Variants in CDIN1 observed in about 807,000 individuals in gnomAD.
CDIN1 encodes CDAN1-interacting nuclease 1.
In CDIN1, 33 loss-of-function variants were observed where a neutral mutation model predicts 45.3. That is an observed-to-expected ratio of 0.73 (90% CI 0.55 to 0.97). CDIN1 has a LOEUF of 0.97. Among genes scored for constraint, CDIN1 ranks in the 50% least tolerant of loss-of-function variants. CDIN1 has a pLI of 0.00. For synonymous variants in CDIN1, 118 were observed against 124.4 expected, an observed-to-expected ratio of 0.95 and a Z score of 0.34; for missense variants, 303 against 339.4, an observed-to-expected ratio of 0.89 and a Z score of 0.84.
At chr15:36,740,621 G>A (rs1453565282) in intron 10 of CDIN1, among the ~76,000 whole-genome samples, 1 of 152,126 alleles carries the variant, frequency 6.6e-6, no homozygotes, top group African/African-American at 2.4e-5. Flanking sequence ...GGGCGCAGTG[G>A]CTCACGCCTG....
rs149207628 is a variant in CDIN1 at position 36,690,024 on chromosome 15, T to G, written c.347-1661T>G. ...AAGGTTGCAGAGCCAGTTGTAGAGA[T>G]AGGGCTGGATAGGATAGCTGGGTGA... On this transcript the variant is annotated intron_variant, in intron 5 of 10. Coordinates refer to ENST00000566621, the MANE Select transcript of CDIN1 (RefSeq NM_001321759.2). Among the ~76,000 whole-genome samples the G allele has an allele frequency of 7.0e-3, 1,064 of 152,310 alleles. 19 individuals are homozygous for G. The highest frequency in any genetic ancestry group is 0.024 in the African/African-American group (1,001 of 41,576).
At chr15:36,726,859 A>C (rs1330025260) in intron 10 of CDIN1, among the ~76,000 whole-genome samples, 1 of 152,154 alleles carries the variant, frequency 6.6e-6, no homozygotes, top group Non-Finnish European at 1.5e-5. Context: ...ATCTTTTAAC[A>C]GGGTTTATCA....
intron 5 of CDIN1, among the ~76,000 whole-genome samples, chr15:36,659,074 A>G (rs1484066998): frequency 2.0e-5 from 3 of 152,192 alleles, no homozygotes; most frequent in Non-Finnish European, 4.4e-5. Context: ...CCATTTGTCA[A>G]AGTCAACCTT....
In CDIN1 at chr15:36,645,288, G is replaced by C. The variant is rs1002959880; in HGVS notation, c.212+1G>C. 26 of 1,549,642 alleles carry C rather than the reference G, an allele frequency of 1.7e-5. No individual in the cohort carries two copies. The highest frequency in any genetic ancestry group is 2.3e-5 in the Non-Finnish European group (26 of 1,145,324). The stretch of plus-strand genomic sequence containing the variant: ...AAGCAATTGAAAGTTATTACCAGAG[G>C]TATGACCTTCCTGCCCCACTAGAGG... On this transcript the variant is annotated splice_donor_variant, in intron 3 of 10. Coordinates refer to ENST00000566621, the MANE Select transcript of CDIN1 (RefSeq NM_001321759.2). LOFTEE classifies it high-confidence loss of function.
At chr15:36,625,609 C>T (rs143128118) in intron 1 of CDIN1, among the ~76,000 whole-genome samples, 153 of 152,304 alleles carry the variant, frequency 1.0e-3, no homozygotes, top group African/African-American at 3.5e-3. Flanking sequence ...ATGTAGCTAA[C>T]CTGATGCAGC....
At chr15:36,794,992 G>A (rs1595608352) in intron 10 of CDIN1, among the ~76,000 whole-genome samples, 1 of 152,196 alleles carries the variant, frequency 6.6e-6, no homozygotes, top group Non-Finnish European at 1.5e-5. Context: ...CAACATGGAT[G>A]GAACTGGAGG....
chr15:36,652,172 A>G (rs940288675), intron 3 of CDIN1, among the ~76,000 whole-genome samples: 2 of 152,122 alleles, frequency 1.3e-5, no homozygotes, highest in African/African-American at 4.8e-5. Flanking sequence ...AGCATATACC[A>G]TTATACTGTA....
chr15:36,692,675 G>A (rs934332207), intron 7 of CDIN1, among the ~76,000 whole-genome samples: 12 of 152,110 alleles, frequency 7.9e-5, no homozygotes, highest in East Asian at 1.9e-4. Flanking sequence ...AATCTGAGCC[G>A]GCATTTGGAT....
intron 10 of CDIN1, among the ~76,000 whole-genome samples, chr15:36,765,061 CTT>C (rs547336601): frequency 7.0e-6 from 1 of 143,274 alleles, no homozygotes; most frequent in Non-Finnish European, 1.5e-5. Flanking sequence ...TTCTTTCTTT[CTT>C]TTTTTTTTTT....
intron 1 of CDIN1, among the ~76,000 whole-genome samples, chr15:36,614,692 T>A (rs1484664054): frequency 1.3e-5 from 2 of 152,186 alleles, no homozygotes. Flanking sequence ...GACTGTACTA[T>A]GGGAAGCCTC....
chr15:36,702,950 C>T lies in CDIN1; in HGVS notation c.544+5560C>T, dbSNP rs746602988. 6.0e-4 allele frequency among the ~76,000 whole-genome samples: 90 copies of T among 151,074 alleles called. 1 individual carries two copies. Among genetic ancestry groups the T allele is most frequent in the Non-Finnish European group, 1.3e-3 (85 of 67,872 alleles). On this transcript the variant is annotated intron_variant, in intron 8 of 10. Coordinates refer to ENST00000566621, the MANE Select transcript of CDIN1 (RefSeq NM_001321759.2). ...GTGCAGTGGCTCATACCTGTAATCC[C>T]AGCACTTTGGGAGGCTGAGGTGGGA...
chr15:36,642,530 G>A (rs2040151553), intron 1 of CDIN1, among the ~76,000 whole-genome samples: 2 of 152,206 alleles, frequency 1.3e-5, no homozygotes, highest in South Asian at 4.1e-4. Flanking sequence ...CATGGTTTTA[G>A]CTGAATTGAA....
intron 10 of CDIN1, among the ~76,000 whole-genome samples, chr15:36,724,514 C>G (rs2043550414): frequency 6.6e-6 from 1 of 152,070 alleles, no homozygotes; most frequent in Non-Finnish European, 1.5e-5. Context: ...TTAGCAATAG[C>G]TTCAGTTGGG....
At chr15:36,756,338 C>T (rs2053608811) in intron 10 of CDIN1, among the ~76,000 whole-genome samples, 1 of 152,148 alleles carries the variant, frequency 6.6e-6, no homozygotes, top group Admixed American at 6.5e-5. Flanking sequence ...CTCCCTGTTT[C>T]TCTCATATTT....
rs1292727200 is a variant in CDIN1, at chr15:36,618,558, A to C, written c.102-25720A>C. 3 of 946,890 alleles carry C rather than the reference A, an allele frequency of 3.2e-6. No individual in the cohort carries two copies. In the East Asian group the frequency reaches 7.2e-5, roughly 23 times the overall value. 58.7% of individuals were successfully genotyped at this position (946,890 alleles called of 1,614,324 possible). A position where few individuals can be genotyped will look rare whatever the true frequency, so the allele number is the denominator to read the frequency against. On this transcript the variant is annotated intron_variant, in intron 1 of 10. Coordinates refer to ENST00000566621, the MANE Select transcript of CDIN1 (RefSeq NM_001321759.2). Reference sequence around the variant, plus strand: ...TTCCACCTTTACCTGGAAGTTCATCAAGAATCCCAGATAAACTCATTTTGG... The same window carrying C: ...TTCCACCTTTACCTGGAAGTTCATCCAGAATCCCAGATAAACTCATTTTGG...
At chr15:36,713,300 A>G (rs1306617973) in intron 10 of CDIN1, among the ~76,000 whole-genome samples, 1 of 152,184 alleles carries the variant, frequency 6.6e-6, no homozygotes, top group African/African-American at 2.4e-5. Context: ...TGCAACTGCA[A>G]GTTTCAGCCC....
chr15:36,669,604 A>G (rs2041372992), intron 5 of CDIN1, among the ~76,000 whole-genome samples: 1 of 151,956 alleles, frequency 6.6e-6, no homozygotes, highest in Non-Finnish European at 1.5e-5. Flanking sequence ...TATTGATTGC[A>G]CTCCAGACGT....
chr15:36,616,072 G>A (rs1215600390), intron 1 of CDIN1, among the ~76,000 whole-genome samples: 1 of 152,144 alleles, frequency 6.6e-6, no homozygotes, highest in East Asian at 1.9e-4. Context: ...GCATGATGTA[G>A]CCTCTTCCTT....
At chr15:36,695,206 A>AT (rs578227755) in intron 7 of CDIN1, among the ~76,000 whole-genome samples, 16 of 150,842 alleles carry the variant, frequency 1.1e-4, no homozygotes, top group East Asian at 3.9e-4. Context: ...TTCTCTAGGA[A>AT]TTTTTTTTTT....
Sources: gnomAD v4.1 joint callset for allele counts (sites outside exome capture counted in the v4.1 genomes callset) on GRCh38, gnomAD v4.1.1 for gene constraint, MANE v1.5 for transcripts, NCBI Gene and HGNC (gene_info 2026-07-23, HGNC 2026-07-21) for gene names.